The following SLC6A3 variants were observed in gnomAD, a reference collection of about 807,000 sequenced individuals.
SLC6A3 encodes sodium-dependent dopamine transporter.
In SLC6A3, 19 loss-of-function variants were observed where a neutral mutation model predicts 70.4. The ratio of observed to expected loss-of-function variants is 0.27; its 90% CI spans 0.19 to 0.40. SLC6A3 has a LOEUF of 0.40. Ranked by LOEUF, SLC6A3 falls within the 10% of genes least tolerant of loss-of-function variation. The pLI is 1.00. For synonymous variants in SLC6A3, 368 were observed against 356.6 expected (o/e 1.03, Z -0.36); for missense variants, 613 against 838.5 (o/e 0.73, Z 3.32).
At chr5:1,427,787 T>C (rs1386242729) in intron 4 of SLC6A3, among the ~76,000 whole-genome samples, 1 of 152,192 alleles carries the variant, frequency 6.6e-6, no homozygotes, top group Non-Finnish European at 1.5e-5. Flanking sequence ...AGCGGTCAAT[T>C]CAAAGACTAA....
At chr5:1,424,507 G>A (rs1392871218) in intron 4 of SLC6A3, among the ~76,000 whole-genome samples, 7 of 152,146 alleles carry the variant, frequency 4.6e-5, no homozygotes, top group African/African-American at 1.2e-4. Context: ...ACCCGCCCAC[G>A]CCTTGGCAGC....
At position 1,411,647 on chromosome 5, in the gene SLC6A3, G is replaced by T. The variant is rs538548443; in HGVS notation, c.1157-292C>A. On this transcript the variant is annotated intron_variant, in intron 8 of 14. Coordinates refer to ENST00000270349, the MANE Select transcript of SLC6A3 (RefSeq NM_001044.5). This position sits in a 1 kb window ranked among gnomAD's most constrained non-coding sequence, Gnocchi z 6.5. ...TATGGGGGTGCTTGGGGAAGGAAGG[G>T]GCAGAAACAAGGAGGAGCAGGAGGG... 6.6e-6 allele frequency among the ~76,000 whole-genome samples: 1 copy of T among 152,190 alleles called. No homozygotes were observed. Among genetic ancestry groups the T allele is most frequent in the African/African-American group, 2.4e-5 (1 of 41,450 alleles).
At position 1,402,630 on chromosome 5, in the gene SLC6A3, A is replaced by T. The variant is rs1362525777; in HGVS notation, c.1767+292T>A. On this transcript the variant is annotated intron_variant, in intron 13 of 14. Coordinates refer to ENST00000270349, the MANE Select transcript of SLC6A3 (RefSeq NM_001044.5). The surrounding 1 kb of genome is among the most constrained non-coding windows in gnomAD (Gnocchi z 8.5). ...ACATACAGACACAGAGATACAGTGG[A>T]TGTACACACAGGCACAAGCACACAC... Among the ~76,000 whole-genome samples, 1 of 152,194 alleles carries T rather than the reference A, an allele frequency of 6.6e-6. No individual in the cohort carries two copies. The highest frequency in any genetic ancestry group is 1.5e-5 in the Non-Finnish European group (1 of 68,032).
At chr5:1,407,393 G>A (rs921755167) in intron 11 of SLC6A3, among the ~76,000 whole-genome samples, 3 of 152,184 alleles carry the variant, frequency 2.0e-5, no homozygotes, top group African/African-American at 4.8e-5. Flanking sequence ...CAAGAGGGGC[G>A]TCCCCAAGGC....
chr5:1,426,050 C>T (rs541488709), intron 4 of SLC6A3, among the ~76,000 whole-genome samples: 164 of 152,192 alleles, frequency 1.1e-3, no homozygotes, highest in African/African-American at 3.8e-3. Context: ...GAAATCAGAA[C>T]CCTTGTTCCG....
At chr5:1,444,702 C>T (rs2911493) in intron 1 of SLC6A3, among the ~76,000 whole-genome samples, 4,101 of 152,316 alleles carry the variant, frequency 0.027, 202 homozygotes, top group African/African-American at 0.095. Context: ...CGCGAGTCTC[C>T]GGCAAGCCGC....
At position 1,393,740 on chromosome 5, in the gene SLC6A3, G is replaced by A. The variant is rs9312842; in HGVS notation, c.*995C>T. On this transcript the variant is annotated 3_prime_UTR_variant, in exon 15 of 15. Transcript: ENST00000270349. Reference sequence around the variant, plus strand: ...TGCGTCCGGTCCGGGGATAGGACACGCTCCTGTGGGGGCCCTGCATGCGTC... The same window carrying A: ...TGCGTCCGGTCCGGGGATAGGACACACTCCTGTGGGGGCCCTGCATGCGTC... 5.5e-3 allele frequency: 741 copies of A among 134,772 alleles called. 6 individuals carry two copies. Among genetic ancestry groups the A allele is most frequent in the African/African-American group, 0.02 (680 of 33,864 alleles). The allele number at this position is 134,772 out of a possible 1,614,324, so 8.3% of individuals were successfully genotyped here.
In SLC6A3 at chr5:1,442,997, G is replaced by A. The variant is rs191426052; in HGVS notation, c.201C>T (p.Ile67=). The A allele has an allele frequency of 3.1e-5, 50 of 1,614,176 alleles. 1 individual carries two copies. Among genetic ancestry groups the A allele is most frequent in the Admixed American group, 2.8e-4 (17 of 60,022 alleles). Residue 67 remains isoleucine, a synonymous_variant, in exon 2 of 15, where the codon ATC becomes ATT. Coordinates refer to ENST00000270349, the MANE Select transcript of SLC6A3 (RefSeq NM_001044.5). The surrounding 1 kb of genome is among the most constrained non-coding windows in gnomAD (Gnocchi z 5.0). ...AQDRETWGKK[I]DFLLSVIGFA... ...AGCCAATGACGGACAGGAGAAAGTC[G>A]ATCTTCTTGCCCCAGGTCTCCCGAT...
rs114174817 is a variant in SLC6A3 at position 1,415,057 on chromosome 5, C to T, written c.1032-242G>A. ...CAAGGCTCAGGGTGGGCAGAACAGACGGCCACCCCTGTGCCCCGCGAGTCT... is the reference window on the plus strand; with the variant it reads ...CAAGGCTCAGGGTGGGCAGAACAGATGGCCACCCCTGTGCCCCGCGAGTCT... On this transcript the variant is annotated intron_variant, in intron 7 of 14. Transcript: ENST00000270349. 3.9e-3 allele frequency among the ~76,000 whole-genome samples: 587 copies of T among 152,276 alleles called. 6 individuals are homozygous for T. Among genetic ancestry groups the T allele is most frequent in the Middle Eastern group, 0.017 (5 of 294 alleles).
intron 11 of SLC6A3, among the ~76,000 whole-genome samples, chr5:1,407,459 C>T (rs1375794889): frequency 2.0e-5 from 3 of 152,276 alleles, no homozygotes; most frequent in African/African-American, 7.2e-5. Context: ...CCTGCCGGAG[C>T]AGGAGTCATC....
At position 1,401,395 on chromosome 5, in the gene SLC6A3, G is replaced by A; in HGVS notation, c.1768-409C>T. The A allele has an allele frequency of 2.4e-6, 1 of 413,976 alleles. No individual in the cohort carries two copies. The highest frequency in any genetic ancestry group is 4.7e-6 in the Non-Finnish European group (1 of 211,812). 25.6% of individuals were successfully genotyped at this position (413,976 alleles called of 1,614,324 possible). A position where few individuals can be genotyped will look rare whatever the true frequency, so the allele number is the denominator to read the frequency against. On this transcript the variant is annotated intron_variant, in intron 13 of 14. Coordinates refer to ENST00000270349, the MANE Select transcript of SLC6A3 (RefSeq NM_001044.5). The surrounding 1 kb of genome is among the most constrained non-coding windows in gnomAD (Gnocchi z 6.1). ...GGCCACCTGCAGCTGACATATTCCGGGAGCACTTGCTTTTTGTCACCTGCA... is the reference window on the plus strand; with the variant it reads ...GGCCACCTGCAGCTGACATATTCCGAGAGCACTTGCTTTTTGTCACCTGCA...
At position 1,437,671 on chromosome 5, in the gene SLC6A3, C is replaced by T. The variant is rs1756870200; in HGVS notation, c.418+3688G>A. ...TGGGCCTCACCATGAACTCCGCCCTCTGGCTTTCAAGGGTGGATCTTGGCT... is the reference window on the plus strand; with the variant it reads ...TGGGCCTCACCATGAACTCCGCCCTTTGGCTTTCAAGGGTGGATCTTGGCT... On this transcript the variant is annotated intron_variant, in intron 3 of 14. Coordinates refer to ENST00000270349, the MANE Select transcript of SLC6A3 (RefSeq NM_001044.5). This position sits in a 1 kb window ranked among gnomAD's most constrained non-coding sequence, Gnocchi z 4.8. Among the ~76,000 whole-genome samples, 1 of 152,238 alleles carries T rather than the reference C, an allele frequency of 6.6e-6. No individual in the cohort carries two copies. The highest frequency in any genetic ancestry group is 2.4e-5 in the African/African-American group (1 of 41,466).
chr5:1,411,306 AG>A lies in SLC6A3; in HGVS notation c.1205del (p.Pro402LeufsTer29). On this transcript the variant is annotated frameshift_variant, in exon 9 of 15. Coordinates refer to ENST00000270349, the MANE Select transcript of SLC6A3 (RefSeq NM_001044.5). LOFTEE classifies it high-confidence loss of function. The surrounding 1 kb of genome is among the most constrained non-coding windows in gnomAD (Gnocchi z 6.5). ...IIYPEAIATL[P>X]LSSAWAVVFF... ...AGACCACGGCCCAGGCTGAGGACAG[AG>A]GGAGCGTGGCGATGGCTTCCGGGTA... 1 of 1,554,888 alleles carries A rather than the reference AG, an allele frequency of 6.4e-7. No individual in the cohort carries two copies. Among genetic ancestry groups the A allele is most frequent in the Non-Finnish European group, 8.7e-7 (1 of 1,149,122 alleles).
chr5:1,425,387 G>A (rs1272235892), intron 4 of SLC6A3, among the ~76,000 whole-genome samples: 4 of 152,168 alleles, frequency 2.6e-5, no homozygotes, highest in East Asian at 1.9e-4. Context: ...AAACAAAGAC[G>A]ACAAGAGCTA....
rs746072867 is a variant in SLC6A3 at position 1,422,039 on chromosome 5, C to T, written c.654-25G>A. The T allele has an allele frequency of 5.6e-6, 9 of 1,605,142 alleles. No homozygotes were observed. The African/African-American group carries it at 9.3e-5, about 17-fold the overall frequency. On this transcript the variant is annotated intron_variant, in intron 4 of 14. Coordinates refer to ENST00000270349, the MANE Select transcript of SLC6A3 (RefSeq NM_001044.5). ...TCTGCAGAGGGGAGTCAGCGGGGGA[C>T]TCTGTGGGTGGCTGTCAACCCACCT...
chr5:1,441,474 G>A lies in SLC6A3; in HGVS notation c.303C>T (p.Pro101=), dbSNP rs1733662483. 2 of 1,614,050 alleles carry A rather than the reference G, an allele frequency of 1.2e-6. No homozygotes were observed. The highest frequency in any genetic ancestry group is 2.2e-5 in the East Asian group (1 of 44,892). ...YKNGGGAFLV[P]YLLFMVIAGM... is the part of the protein sequence containing the mutation. ...CAGCAATGACCATGAAGAGCAGGTAGGGGACCAGGAAGGCACCTGTGGGGC... is the reference window on the plus strand; with the variant it reads ...CAGCAATGACCATGAAGAGCAGGTAAGGGACCAGGAAGGCACCTGTGGGGC... The change falls in exon 3 of 15, where the codon CCC becomes CCT. Residue 101 remains proline, a synonymous_variant. Transcript: ENST00000270349.
chr5:1,433,542 C>T (rs893412259), intron 3 of SLC6A3, among the ~76,000 whole-genome samples: 2 of 152,184 alleles, frequency 1.3e-5, no homozygotes, highest in African/African-American at 4.8e-5. Flanking sequence ...CATCCTCAAC[C>T]ATTCATGGCC....
At chr5:1,439,281 T>C (rs1579726670) in intron 3 of SLC6A3, among the ~76,000 whole-genome samples, 2 of 125,962 alleles carry the variant, frequency 1.6e-5, no homozygotes, top group East Asian at 2.7e-4. Context: ...CACCAGTGCA[T>C]GCCCAAAGCA....
Position 1,396,005 on chromosome 5 carries a change from G to A in SLC6A3, c.1840-1247C>T, listed in dbSNP as rs554471450. Among the ~76,000 whole-genome samples the A allele has an allele frequency of 1.8e-4, 27 of 152,330 alleles. No individual in the cohort carries two copies. The highest frequency in any genetic ancestry group is 6.3e-4 in the African/African-American group (26 of 41,584). On this transcript the variant is annotated intron_variant, in intron 14 of 14. Coordinates refer to ENST00000270349, the MANE Select transcript of SLC6A3 (RefSeq NM_001044.5). The surrounding 1 kb of genome is among the most constrained non-coding windows in gnomAD (Gnocchi z 7.0). ...CTCAATTTGACCCCAAAGGACCAGA[G>A]CTGTTGCAACAGATTACAGGATGGC...
Sources: allele counts gnomAD v4.1 joint callset (sites outside exome capture counted in the v4.1 genomes callset), GRCh38; gene constraint gnomAD v4.1.1; non-coding constraint Gnocchi (gnomAD v3.1); transcripts MANE v1.5; gene names NCBI Gene and HGNC (gene_info 2026-07-23, HGNC 2026-07-21).